Variants in NAALADL2 observed in about 807,000 individuals in gnomAD.
NAALADL2 encodes the protein inactive N-acetylated-alpha-linked acidic dipeptidase-like protein 2.
NAALADL2 carries 76 observed loss-of-function variants against 87.2 expected under a neutral mutation model. That is an observed-to-expected ratio of 0.87 (90% CI 0.72 to 1.05). The LOEUF is 1.05. NAALADL2 is among the 50% of genes least tolerant of loss of function. The pLI is 0.00. For synonymous variants in NAALADL2, 354 were observed against 331.0 expected, an observed-to-expected ratio of 1.07 and a Z score of -0.75; for missense variants, 1,089 against 945.8, an observed-to-expected ratio of 1.15 and a Z score of -1.99.
intron 1 of NAALADL2, among the ~76,000 whole-genome samples, chr3:174,516,105 T>A (rs984525819): frequency 7.1e-4 from 108 of 152,112 alleles, no homozygotes; most frequent in African/African-American, 2.5e-3. Flanking sequence ...TTATATTTCA[T>A]GGTCTTCATA....
chr3:174,712,176 GTTA>G (rs941985270), intron 2 of NAALADL2, among the ~76,000 whole-genome samples: 9 of 152,022 alleles, frequency 5.9e-5, no homozygotes, highest in African/African-American at 1.9e-4. Flanking sequence ...GACTGGATGA[GTTA>G]TTGATTCTCA....
chr3:174,476,578 TA>T (rs1717231382), intron 1 of NAALADL2, among the ~76,000 whole-genome samples: 1 of 152,068 alleles, frequency 6.6e-6, no homozygotes. Flanking sequence ...TAAGTATATG[TA>T]AATACTCAGA....
chr3:175,522,374 T>C (rs1732772831), intron 9 of NAALADL2, among the ~76,000 whole-genome samples: 1 of 152,192 alleles, frequency 6.6e-6, no homozygotes, highest in African/African-American at 2.4e-5. Context: ...ACAAAAAGTT[T>C]CAACTGCCTG....
chr3:175,670,048 C>G (rs752460057), intron 11 of NAALADL2, among the ~76,000 whole-genome samples: 24 of 151,978 alleles, frequency 1.6e-4, no homozygotes, highest in Non-Finnish European at 3.1e-4. Context: ...AGGAACTATT[C>G]ACTTTACATC....
At chr3:174,913,857 TA>T (rs1734021612) in intron 1 of NAALADL2, among the ~76,000 whole-genome samples, 2 of 152,030 alleles carry the variant, frequency 1.3e-5, no homozygotes, top group African/African-American at 2.4e-5. Context: ...CCCAATACAA[TA>T]AAAATATAAT....
chr3:174,840,570 T>C (rs1335141757), intron 3 of NAALADL2, among the ~76,000 whole-genome samples: 1 of 152,188 alleles, frequency 6.6e-6, no homozygotes, highest in Non-Finnish European at 1.5e-5. Flanking sequence ...GATGTACTTT[T>C]TCTCAAAGTT....
intron 4 of NAALADL2, among the ~76,000 whole-genome samples, chr3:175,316,832 A>G (rs969637776): frequency 6.6e-6 from 1 of 152,186 alleles, no homozygotes; most frequent in Middle Eastern, 3.2e-3. Flanking sequence ...GGTTTGGTAT[A>G]AGCAGTGTCT....
intron 2 of NAALADL2, among the ~76,000 whole-genome samples, chr3:174,667,376 A>C (rs1271536849): frequency 6.6e-6 from 1 of 152,006 alleles, no homozygotes; most frequent in Non-Finnish European, 1.5e-5. Flanking sequence ...TCTGGAGCAG[A>C]AAGTGGGCAC....
At chr3:174,917,699 A>G (rs1451554213) in intron 1 of NAALADL2, among the ~76,000 whole-genome samples, 1 of 150,960 alleles carries the variant, frequency 6.6e-6, no homozygotes, top group Non-Finnish European at 1.5e-5. Context: ...ATTGAATTTT[A>G]GTCTCACTTT....
intron 2 of NAALADL2, among the ~76,000 whole-genome samples, chr3:174,565,305 A>G (rs1470100097): frequency 1.3e-5 from 2 of 152,046 alleles, no homozygotes; most frequent in East Asian, 1.9e-4. Flanking sequence ...TGTCCTAAAA[A>G]TCTCCTGTGC....
chr3:175,369,854 G>C (rs1250793726), intron 5 of NAALADL2, among the ~76,000 whole-genome samples: 1 of 152,064 alleles, frequency 6.6e-6, no homozygotes, highest in Non-Finnish European at 1.5e-5. Flanking sequence ...AATACTAACT[G>C]ATCTTTCCAT....
In NAALADL2 at chr3:174,731,630, G is replaced by A. The variant is rs942286167; in HGVS notation, c.-114-6011G>A. ...GATTCTCAAATTTTAGTGTGAATTG[G>A]AATCAGTTGGAGGGCTGCTAAAAAC... is the stretch of plus-strand genomic sequence containing the variant. On this transcript the variant is annotated intron_variant, in intron 2 of 3. Coordinates refer to the NAALADL2 transcript ENST00000434257. Among the ~76,000 whole-genome samples the A allele has an allele frequency of 2.0e-5, 3 of 152,128 alleles. No homozygotes were observed. The South Asian group carries it at 6.2e-4, about 32-fold the overall frequency.
chr3:175,666,022 G>GA (rs2149824903), intron 11 of NAALADL2, among the ~76,000 whole-genome samples: 1 of 152,154 alleles, frequency 6.6e-6, no homozygotes, highest in African/African-American at 2.4e-5. Flanking sequence ...TGACATCCCT[G>GA]TTTTAGAACA....
chr3:174,444,130 A>T (rs1333037855), intron 1 of NAALADL2, among the ~76,000 whole-genome samples: 1 of 152,142 alleles, frequency 6.6e-6, no homozygotes, highest in Non-Finnish European at 1.5e-5. Context: ...CCAATAGAGA[A>T]CAAAAAATTG....
chr3:174,723,528 G>T (rs369902938), intron 2 of NAALADL2, among the ~76,000 whole-genome samples: 11 of 152,134 alleles, frequency 7.2e-5, no homozygotes, highest in African/African-American at 2.6e-4. Flanking sequence ...TGCCGAGATG[G>T]GCGGATCACA....
At chr3:175,554,722 G>A (rs1714983482) in intron 9 of NAALADL2, among the ~76,000 whole-genome samples, 1 of 151,880 alleles carries the variant, frequency 6.6e-6, no homozygotes, top group Admixed American at 6.6e-5. Flanking sequence ...TAAAAATCTT[G>A]TTAATTTAAT....
At chr3:175,552,329 C>G (rs1315611784) in intron 9 of NAALADL2, among the ~76,000 whole-genome samples, 1 of 151,972 alleles carries the variant, frequency 6.6e-6, no homozygotes, top group East Asian at 1.9e-4. Context: ...TTGCTTTTTT[C>G]TTCTCCTTTC....
At chr3:175,611,296 T>G (rs1724612775) in intron 10 of NAALADL2, among the ~76,000 whole-genome samples, 2 of 152,118 alleles carry the variant, frequency 1.3e-5, no homozygotes, top group Non-Finnish European at 2.9e-5. Flanking sequence ...AAAAATACCT[T>G]ATAAATGTGA....
chr3:174,753,090 C>A (rs547245261), intron 3 of NAALADL2, among the ~76,000 whole-genome samples: 1 of 152,006 alleles, frequency 6.6e-6, no homozygotes, highest in Admixed American at 6.6e-5. Context: ...TCTTGTTGAT[C>A]CCCTTTTTGC....
Sources: gnomAD v4.1 joint callset for allele counts (sites outside exome capture counted in the v4.1 genomes callset) on GRCh38, gnomAD v4.1.1 for gene constraint, MANE v1.5 for transcripts, NCBI Gene and HGNC (gene_info 2026-07-23, HGNC 2026-07-21) for gene names.